PEPD: variants seen among roughly 807,000 people sequenced by gnomAD.
PEPD encodes the protein xaa-Pro dipeptidase.
In PEPD, 53 loss-of-function variants were observed where a neutral mutation model predicts 60.7. The ratio of observed to expected loss-of-function variants is 0.87; its 90% CI spans 0.70 to 1.10. The LOEUF is 1.10. Among genes scored for constraint, PEPD ranks in the 50% least tolerant of loss-of-function variants. The pLI, the probability that PEPD is intolerant of heterozygous loss-of-function variation, is 0.00. For missense variants in PEPD, 711 were observed against 711.9 expected (o/e 1.00, Z 0.01); for synonymous variants, 267 against 284.1 (o/e 0.94, Z 0.60).
intron 9 of PEPD, among the ~76,000 whole-genome samples, chr19:33,454,532 G>T (rs1484447271): frequency 6.6e-6 from 1 of 151,954 alleles, no homozygotes. Flanking sequence ...AGCCCAGGAC[G>T]TGGAGGTCGC....
intron 6 of PEPD, among the ~76,000 whole-genome samples, 195 bp downstream of exon 6, chr19:33,489,801 C>T (rs139412415): frequency 1.1e-3 from 171 of 152,222 alleles, no homozygotes; most frequent in Non-Finnish European, 2.2e-3. Context: ...CAAACAGACA[C>T]GGGGCACCTT....
At chr19:33,472,153 C>A (rs542343331) in intron 7 of PEPD, among the ~76,000 whole-genome samples, 34 of 127,862 alleles carry the variant, frequency 2.7e-4, no homozygotes, top group Non-Finnish European at 4.9e-4. Flanking sequence ...AAGAACAAAA[C>A]TCCATCTCAA....
At chr19:33,441,752 C>T (rs1969484092) in intron 9 of PEPD, among the ~76,000 whole-genome samples, 1 of 152,246 alleles carries the variant, frequency 6.6e-6, no homozygotes, top group Non-Finnish European at 1.5e-5. Flanking sequence ...CAGTCTCTTT[C>T]CACTTCATCA....
rs569763928 is a variant in PEPD at position 33,507,262 on chromosome 19, C to T, written c.329+3766G>A. Among the ~76,000 whole-genome samples, 6 of 152,306 alleles carry T rather than the reference C, an allele frequency of 3.9e-5. No individual in the cohort carries two copies. The South Asian group carries it at 1.0e-3, about 26-fold the overall frequency. On this transcript the variant is annotated intron_variant, in intron 3 of 14. Transcript: ENST00000244137. The stretch of plus-strand genomic sequence containing the variant: ...CTCTGGGCTCCGAAGCTGCCTGGGG[C>T]GCTGACTCACAGAGGCCCACAGCCA...
chr19:33,405,669 C>A (rs947355202), intron 11 of PEPD, among the ~76,000 whole-genome samples: 2 of 152,236 alleles, frequency 1.3e-5, no homozygotes, highest in Non-Finnish European at 2.9e-5. Flanking sequence ...CCCAGCCAGG[C>A]CTTCCGTGGA....
chr19:33,422,060 G>A (rs1435692863), intron 9 of PEPD, among the ~76,000 whole-genome samples: 1 of 152,056 alleles, frequency 6.6e-6, no homozygotes, highest in Non-Finnish European at 1.5e-5. Context: ...CTTCCCATCG[G>A]CAGCCCACCT....
At chr19:33,512,886 A>C in intron 1 of PEPD, 110 bp from the exon 2 acceptor site, 1 of 1,218,988 alleles carries the variant, frequency 8.2e-7, no homozygotes, top group South Asian at 1.2e-5. Flanking sequence ...TGGGACCCCC[A>C]TCAGCACGGG....
intron 3 of PEPD, among the ~76,000 whole-genome samples, chr19:33,503,227 A>G (rs574107757): frequency 6.6e-6 from 1 of 152,310 alleles, no homozygotes; most frequent in East Asian, 1.9e-4. Flanking sequence ...GCAGGGAGCA[A>G]CAACAAGGAG....
rs57961062 is a variant in PEPD, at chr19:33,404,457, A to AAACAAC, written c.819-2594_819-2589dup. ...AGCAGAAACTGAACTATCGTTTAAAAAACAACAACAACAACAACAACCAGG... is the reference window on the plus strand; with the variant it reads ...AGCAGAAACTGAACTATCGTTTAAAAAACAACAACAACAACAACAACAACAACCAGG... On this transcript the variant is annotated intron_variant, in intron 11 of 14. Transcript: ENST00000244137. Among the ~76,000 whole-genome samples the AAACAAC allele has an allele frequency of 6.6e-5, 10 of 151,364 alleles. No individual in the cohort carries two copies. In the South Asian group the frequency reaches 1.9e-3, roughly 28 times the overall value.
At chr19:33,399,322 T>C (rs4640301) in intron 12 of PEPD, among the ~76,000 whole-genome samples, 5,046 of 152,294 alleles carry the variant, frequency 0.033, 233 homozygotes, top group African/African-American at 0.1. Context: ...AAAATGCTGT[T>C]TTCCTCGGCA....
At chr19:33,432,944 C>T (rs1193907519) in intron 9 of PEPD, among the ~76,000 whole-genome samples, 5 of 152,238 alleles carry the variant, frequency 3.3e-5, no homozygotes, top group African/African-American at 4.8e-5. Flanking sequence ...TCGGCTATAG[C>T]AGCTAGCGGG....
chr19:33,479,534 G>C (rs1299822236), intron 6 of PEPD, among the ~76,000 whole-genome samples: 2 of 151,996 alleles, frequency 1.3e-5, no homozygotes, highest in Non-Finnish European at 2.9e-5. Context: ...GTGCCCATTA[G>C]TTATTTTGCT....
At chr19:33,401,436 G>T (rs1968488682) in intron 12 of PEPD, among the ~76,000 whole-genome samples, 2 of 152,352 alleles carry the variant, frequency 1.3e-5, no homozygotes, top group South Asian at 2.1e-4. Context: ...AGACAGGCTG[G>T]CGTGCTAGTG....
At chr19:33,437,977 C>T (rs1220781611) in intron 9 of PEPD, among the ~76,000 whole-genome samples, 2 of 152,166 alleles carry the variant, frequency 1.3e-5, no homozygotes, top group South Asian at 4.1e-4. Flanking sequence ...GAGAAAGGGA[C>T]AGAAAAAACA....
At chr19:33,453,739 C>T (rs1969745046) in intron 9 of PEPD, among the ~76,000 whole-genome samples, 1 of 152,190 alleles carries the variant, frequency 6.6e-6, no homozygotes, top group African/African-American at 2.4e-5. Context: ...ACCTGTATAT[C>T]AATTCATTGG....
In PEPD at chr19:33,388,001, C is replaced by A; in HGVS notation, c.1233G>T (p.Val411=). ...RHLQPGMVLT[V]EPGIYFIDHL... is the part of the protein sequence containing the mutation. ...GGTCGATGAAGTAGATGCCCGGCTC[C>A]ACGGTGAGCACCATGCCTGGCTGCA... Residue 411 remains valine, a synonymous_variant, in exon 14 of 15, where the codon GTG becomes GTT. Transcript: ENST00000244137. 6.3e-7 allele frequency: 1 copy of A among 1,577,726 alleles called. No individual in the cohort carries two copies. Among genetic ancestry groups the A allele is most frequent in the African/African-American group, 1.3e-5 (1 of 74,508 alleles).
intron 5 of PEPD, among the ~76,000 whole-genome samples, chr19:33,490,545 C>A (rs935232048): frequency 1.3e-5 from 2 of 152,224 alleles, no homozygotes; most frequent in Non-Finnish European, 2.9e-5. Context: ...AGCAGGGAGA[C>A]ATCCCTCTCT....
At chr19:33,400,688 G>T (rs1436677766) in intron 12 of PEPD, among the ~76,000 whole-genome samples, 1 of 152,240 alleles carries the variant, frequency 6.6e-6, no homozygotes, top group South Asian at 2.1e-4. Flanking sequence ...TACGGCAGGG[G>T]TGCTGTGTTG....
intron 13 of PEPD, among the ~76,000 whole-genome samples, chr19:33,389,724 C>T (rs922422942): frequency 5.3e-5 from 8 of 152,254 alleles, no homozygotes; most frequent in Non-Finnish European, 1.2e-4. Context: ...GAACTTTCCT[C>T]CCCTCTGAAA....
Sources: allele counts gnomAD v4.1 joint callset (sites outside exome capture counted in the v4.1 genomes callset), GRCh38; gene constraint gnomAD v4.1.1; transcripts MANE v1.5; gene names NCBI Gene and HGNC (gene_info 2026-07-23, HGNC 2026-07-21).